The following DLGAP1 variants were observed in gnomAD, a reference collection of about 807,000 sequenced individuals.
DLGAP1 encodes DLG associated protein 1, also known as disks large-associated protein 1.
A neutral mutation model predicts 90.8 loss-of-function variants in DLGAP1; 11 were observed. The ratio of observed to expected loss-of-function variants is 0.12; its 90% confidence interval spans 0.08 to 0.20. DLGAP1 has a LOEUF of 0.20. Among genes scored for constraint, DLGAP1 ranks in the 10% least tolerant of loss-of-function variants. The probability of loss-of-function intolerance (pLI) is 1.00; values close to 1 mark genes in which losing one functional copy is unlikely to be tolerated. For synonymous variants in DLGAP1, 558 were observed against 540.7 expected, an observed-to-expected ratio of 1.03 and a Z score of -0.44; for missense variants, 1,050 against 1,333.8, an observed-to-expected ratio of 0.79 and a Z score of 3.31.
intron 1 of DLGAP1, among the ~76,000 whole-genome samples, chr18:4,417,119 A>C (rs1381636813): frequency 6.6e-6 from 1 of 151,492 alleles, no homozygotes. Flanking sequence ...TCCATTTTTC[A>C]CTCTCCCTCA....
At chr18:4,333,880 G>A (rs1445303784) in intron 1 of DLGAP1, among the ~76,000 whole-genome samples, 10 of 151,112 alleles carry the variant, frequency 6.6e-5, no homozygotes, top group Admixed American at 3.3e-4. Context: ...GACCACAGGC[G>A]TGAGCCACCG....
At chr18:3,781,157 A>T (rs2065173777) in intron 5 of DLGAP1, among the ~76,000 whole-genome samples, 1 of 152,044 alleles carries the variant, frequency 6.6e-6, no homozygotes, top group Non-Finnish European at 1.5e-5. Context: ...TGTGATTGTT[A>T]AAGGTGTGAG....
At chr18:3,865,582 T>A (rs976752830) in intron 4 of DLGAP1, among the ~76,000 whole-genome samples, 1 of 152,180 alleles carries the variant, frequency 6.6e-6, no homozygotes, top group Non-Finnish European at 1.5e-5. Flanking sequence ...TAAAAGAAAT[T>A]CTCATTTAAA....
intron 7 of DLGAP1, chr18:3,598,309 CCA>C (rs1483358173): frequency 6.6e-6 from 1 of 152,068 alleles, no homozygotes; most frequent in Non-Finnish European, 1.5e-5. Context: ...TGAGATTGCG[CCA>C]CACTGCACTC....
At chr18:3,600,855 GATATATATAGATATATAGATAT>G (rs1568278728) in intron 7 of DLGAP1, among the ~76,000 whole-genome samples, 3 of 31,378 alleles carry the variant, frequency 9.6e-5, no homozygotes, top group East Asian at 7.0e-4. Context: ...TAGATATATA[GATATATATAGATATATAGATAT>G]ATAGATAGAT....
At chr18:4,362,310 T>C (rs1296120323) in intron 1 of DLGAP1, among the ~76,000 whole-genome samples, 1 of 152,182 alleles carries the variant, frequency 6.6e-6, no homozygotes, top group African/African-American at 2.4e-5. Flanking sequence ...TTATTCACAA[T>C]AGCTAAAATG....
At chr18:4,382,045 G>A (rs2082134228) in intron 1 of DLGAP1, among the ~76,000 whole-genome samples, 1 of 152,096 alleles carries the variant, frequency 6.6e-6, no homozygotes, top group Admixed American at 6.6e-5. Context: ...GGAAAGACTT[G>A]CCCCCATGAT....
chr18:4,052,597 G>C (rs2075151829), intron 2 of DLGAP1, among the ~76,000 whole-genome samples: 1 of 152,152 alleles, frequency 6.6e-6, no homozygotes, highest in African/African-American at 2.4e-5. Context: ...GAAGGTCTCT[G>C]ACATGCCCTG....
intron 5 of DLGAP1, among the ~76,000 whole-genome samples, chr18:3,751,898 TAA>T (rs796732138): frequency 4.3e-4 from 59 of 136,298 alleles, no homozygotes; most frequent in African/African-American, 1.7e-3. Context: ...TTTTTTTTTT[TAA>T]TGAGATGCAG....
At chr18:3,980,190 T>A (rs895560857) in intron 3 of DLGAP1, among the ~76,000 whole-genome samples, 4 of 151,662 alleles carry the variant, frequency 2.6e-5, no homozygotes, top group African/African-American at 9.7e-5. Context: ...ACAAAAAAGA[T>A]AATGGGAGAT....
At chr18:3,728,343 ACGCAT>A (rs2062272031) in intron 7 of DLGAP1, among the ~76,000 whole-genome samples, 1 of 147,886 alleles carries the variant, frequency 6.8e-6, no homozygotes, top group African/African-American at 2.5e-5. Context: ...TTTCATATGC[ACGCAT>A]TGTCATATAT....
At chr18:3,991,543 C>G (rs1410093904) in intron 3 of DLGAP1, among the ~76,000 whole-genome samples, 1 of 152,178 alleles carries the variant, frequency 6.6e-6, no homozygotes, top group Non-Finnish European at 1.5e-5. Context: ...CTGGATGACC[C>G]AGATTTGAGT....
intron 5 of DLGAP1, among the ~76,000 whole-genome samples, chr18:3,793,566 T>C (rs529478080): frequency 6.6e-6 from 1 of 152,306 alleles, no homozygotes; most frequent in African/African-American, 2.4e-5. Context: ...CACCCAAGGC[T>C]GTTAGAGTCC....
At chr18:4,434,943 AAGAGT>A (rs1237204859) in intron 1 of DLGAP1, among the ~76,000 whole-genome samples, 2 of 152,232 alleles carry the variant, frequency 1.3e-5, no homozygotes, top group East Asian at 1.9e-4. Flanking sequence ...GAGGAGTATT[AAGAGT>A]TAAGGCTGGA....
intron 2 of DLGAP1, among the ~76,000 whole-genome samples, chr18:4,098,812 AG>A (rs963958697): frequency 1.3e-5 from 2 of 152,186 alleles, no homozygotes; most frequent in Non-Finnish European, 2.9e-5. Context: ...CACTTTAAAA[AG>A]CCCTTTTATA....
intron 2 of DLGAP1, among the ~76,000 whole-genome samples, chr18:4,139,262 A>G (rs1433321353): frequency 2.0e-5 from 3 of 151,972 alleles, no homozygotes; most frequent in African/African-American, 7.2e-5. Context: ...ATTTATAGCT[A>G]TAAACTTTCC....
At chr18:4,099,288 CT>C in intron 2 of DLGAP1, among the ~76,000 whole-genome samples, 1 of 150,958 alleles carries the variant, frequency 6.6e-6, no homozygotes, top group Non-Finnish European at 1.5e-5. Flanking sequence ...ATCTATCTAT[CT>C]GTCTATCATC....
intron 4 of DLGAP1, chr18:3,874,262 T>C (rs1376257837): frequency 6.5e-7 from 1 of 1,549,688 alleles, no homozygotes; most frequent in African/African-American, 1.4e-5. Context: ...CTGGGAGTGC[T>C]TTCCTTCTCG....
rs2082166204 is a variant in DLGAP1, at chr18:4,383,237, A to T, written c.-267+71769T>A. On this transcript the variant is annotated intron_variant, in intron 1 of 12. Coordinates refer to ENST00000315677, the MANE Select transcript of DLGAP1 (RefSeq NM_004746.4). The surrounding 1 kb of genome is among the most constrained non-coding windows in gnomAD (Gnocchi z 4.0). ...CCTGGGGAATAATGTTCTAATATTCATCTAACTGAAAGGTCATTATCTCTA... is the reference window on the plus strand; with the variant it reads ...CCTGGGGAATAATGTTCTAATATTCTTCTAACTGAAAGGTCATTATCTCTA... Among the ~76,000 whole-genome samples the T allele has an allele frequency of 6.6e-6, 1 of 152,216 alleles. No homozygotes were observed. Among genetic ancestry groups the T allele is most frequent in the Non-Finnish European group, 1.5e-5 (1 of 68,022 alleles).
Sources: allele counts gnomAD v4.1 joint callset (sites outside exome capture counted in the v4.1 genomes callset), GRCh38; gene constraint gnomAD v4.1.1; non-coding constraint Gnocchi (gnomAD v3.1); transcripts MANE v1.5; gene names NCBI Gene and HGNC (gene_info 2026-07-23, HGNC 2026-07-21).